The following RPS6KC1 variants were observed in gnomAD, a reference collection of about 807,000 sequenced individuals.
RPS6KC1 encodes inactive ribosomal protein S6 kinase delta-1.
A neutral mutation model predicts 103.8 loss-of-function variants in RPS6KC1; 54 were observed. The observed-to-expected ratio is 0.52, with a 90% CI of 0.42 to 0.65. The LOEUF (loss-of-function observed/expected upper bound fraction) is 0.65. RPS6KC1 is among the 30% of genes least tolerant of loss of function. The probability of loss-of-function intolerance (pLI) is 0.00; values close to 1 mark genes in which losing one functional copy is unlikely to be tolerated. For missense variants in RPS6KC1, 1,151 were observed against 1,253.8 expected (o/e 0.92, Z 1.24); for synonymous variants, 439 against 438.7 (o/e 1.00, Z -0.01).
At chr1:213,582,831 G>A in the RPS6KC1 span, among the ~76,000 whole-genome samples, 8 of 152,230 alleles carry the variant, frequency 5.3e-5, no homozygotes, top group African/African-American at 1.4e-4. Context: ...TTTGACAAAT[G>A]TATGCACTTT....
chr1:213,200,942 AG>A (rs1407844899), intron 8 of RPS6KC1, among the ~76,000 whole-genome samples: 3 of 151,974 alleles, frequency 2.0e-5, no homozygotes, highest in Non-Finnish European at 2.9e-5. Context: ...ACACATAGAG[AG>A]GAACTACAGA....
At chr1:213,201,122 AAAAC>A (rs1313022422) in intron 8 of RPS6KC1, among the ~76,000 whole-genome samples, 1 of 152,188 alleles carries the variant, frequency 6.6e-6, no homozygotes, top group African/African-American at 2.4e-5. Context: ...GAACTTTAAA[AAAAC>A]AAACTTATGT....
the RPS6KC1 span, among the ~76,000 whole-genome samples, chr1:213,608,494 G>A: frequency 2.8e-4 from 42 of 152,344 alleles, no homozygotes; most frequent in South Asian, 8.7e-3. Flanking sequence ...GGTGGCAAAA[G>A]TCTGGAGGGT....
intron 6 of RPS6KC1, among the ~76,000 whole-genome samples, chr1:213,133,132 T>G (rs1424258432): frequency 6.6e-6 from 1 of 152,190 alleles, no homozygotes; most frequent in Non-Finnish European, 1.5e-5. Flanking sequence ...CTGTCTACTC[T>G]TCTAAATTCT....
the RPS6KC1 span, among the ~76,000 whole-genome samples, chr1:213,287,397 C>T: frequency 6.6e-6 from 1 of 152,040 alleles, no homozygotes; most frequent in Non-Finnish European, 1.5e-5. Flanking sequence ...AGGAAACGAC[C>T]ACTCTTCCTC....
the RPS6KC1 span, among the ~76,000 whole-genome samples, chr1:213,406,142 G>A: frequency 1.3e-5 from 2 of 152,216 alleles, no homozygotes; most frequent in Non-Finnish European, 2.9e-5. Flanking sequence ...CAGGAATGGG[G>A]CTGGTGAATT....
At chr1:213,743,008 C>T in the RPS6KC1 span, among the ~76,000 whole-genome samples, 2 of 152,204 alleles carry the variant, frequency 1.3e-5, no homozygotes, top group African/African-American at 4.8e-5. Flanking sequence ...AACAGAATTA[C>T]CATTCAACCC....
At chr1:213,590,436 CA>C in the RPS6KC1 span, among the ~76,000 whole-genome samples, 1 of 152,136 alleles carries the variant, frequency 6.6e-6, no homozygotes, top group Non-Finnish European at 1.5e-5. Flanking sequence ...TTCTGGGAAG[CA>C]GATCTCAAAA....
At chr1:213,497,151 C>A in the RPS6KC1 span, among the ~76,000 whole-genome samples, 4 of 152,116 alleles carry the variant, frequency 2.6e-5, no homozygotes, top group African/African-American at 7.2e-5. Context: ...AATGAGTCAT[C>A]AAACCATAAA....
the RPS6KC1 span, among the ~76,000 whole-genome samples, chr1:213,478,578 A>G: frequency 1.3e-5 from 2 of 152,052 alleles, no homozygotes; most frequent in African/African-American, 4.8e-5. Flanking sequence ...GTGGTATCTC[A>G]TTGTTGTTTT....
chr1:213,351,969 A>AT, the RPS6KC1 span, among the ~76,000 whole-genome samples: 9 of 151,018 alleles, frequency 6.0e-5, 1 homozygote, highest in South Asian at 1.9e-3. Flanking sequence ...ACACTTCAGG[A>AT]TTTTTTTTTC....
chr1:213,645,234 A>G, the RPS6KC1 span, among the ~76,000 whole-genome samples: 1 of 151,958 alleles, frequency 6.6e-6, no homozygotes, highest in Non-Finnish European at 1.5e-5. Context: ...GCCAAAAAGA[A>G]CGTTTTTGGG....
the RPS6KC1 span, among the ~76,000 whole-genome samples, chr1:213,679,746 T>G: frequency 1.3e-5 from 2 of 152,332 alleles, no homozygotes; most frequent in Middle Eastern, 6.8e-3. Flanking sequence ...TGGCAAGACT[T>G]AAAACCTAAA....
chr1:213,144,815 GCCTGTAATC>G (rs1307317958), intron 6 of RPS6KC1, among the ~76,000 whole-genome samples: 2 of 152,000 alleles, frequency 1.3e-5, no homozygotes, highest in African/African-American at 4.8e-5. Context: ...AGAGGTTCAC[GCCTGTAATC>G]CCAGAATTTT....
the RPS6KC1 span, among the ~76,000 whole-genome samples, chr1:213,298,431 G>A: frequency 4.6e-5 from 7 of 151,632 alleles, no homozygotes; most frequent in African/African-American, 1.2e-4. Context: ...CTCAATGCTC[G>A]TTATTCTAAA....
chr1:213,807,360 T>A, the RPS6KC1 span, among the ~76,000 whole-genome samples: 1 of 152,232 alleles, frequency 6.6e-6, no homozygotes, highest in Non-Finnish European at 1.5e-5. Flanking sequence ...TCCTGGATAA[T>A]ATCCTGCAGA....
At chr1:213,653,517 A>T in the RPS6KC1 span, among the ~76,000 whole-genome samples, 1 of 152,032 alleles carries the variant, frequency 6.6e-6, no homozygotes, top group Admixed American at 6.5e-5. Context: ...AGTTTGTATC[A>T]GCTTAATTTC....
chr1:213,071,899 C>G (rs899109595), intron 2 of RPS6KC1, among the ~76,000 whole-genome samples: 9 of 151,398 alleles, frequency 5.9e-5, no homozygotes. Flanking sequence ...ATGGTACCAG[C>G]CTGTTATGTT....
intron 4 of RPS6KC1, among the ~76,000 whole-genome samples, chr1:213,105,913 C>A (rs1286435972): frequency 6.6e-6 from 1 of 152,134 alleles, no homozygotes; most frequent in African/African-American, 2.4e-5. Flanking sequence ...AGCTGTCATG[C>A]AAATTACCAC....
Sources: allele counts gnomAD v4.1 joint callset (sites outside exome capture counted in the v4.1 genomes callset), GRCh38; gene constraint gnomAD v4.1.1; transcripts MANE v1.5; gene names NCBI Gene and HGNC (gene_info 2026-07-23, HGNC 2026-07-21).